The following ITCH variants were observed in gnomAD, a reference collection of about 807,000 sequenced individuals.
ITCH encodes the protein itchy E3 ubiquitin protein ligase.
ITCH carries 28 observed loss-of-function variants against 126.8 expected under a neutral mutation model. The observed-to-expected ratio is 0.22, with a 90% CI of 0.16 to 0.30. The LOEUF is 0.30. Among genes scored for constraint, ITCH ranks in the 10% least tolerant of loss-of-function variants. The pLI is 1.00. For synonymous variants in ITCH, 342 were observed against 340.0 expected (o/e 1.01, Z -0.06); for missense variants, 631 against 1,032.4 (o/e 0.61, Z 5.33).
chr20:34,383,799 G>A (rs1352727900), intron 2 of ITCH, among the ~76,000 whole-genome samples: 1 of 150,204 alleles, frequency 6.7e-6, no homozygotes, highest in Non-Finnish European at 1.5e-5. Flanking sequence ...AAAGTACCAG[G>A]ATTACAGGCA....
Position 34,427,028 on chromosome 20 carries a change from C to G in ITCH, c.521+2503C>G, listed in dbSNP as rs560051008. ...TGACTTCGTGATCTGCCTGCCTCAG[C>G]CTTCCAAAGTGCTGGGATTACAGGC... is the stretch of plus-strand genomic sequence containing the variant. On this transcript the variant is annotated intron_variant, in intron 7 of 24. Coordinates refer to ENST00000374864, the MANE Select transcript of ITCH (RefSeq NM_031483.7). Among the ~76,000 whole-genome samples, 4 of 152,126 alleles carry G rather than the reference C, an allele frequency of 2.6e-5. No individual in the cohort carries two copies. In the South Asian group the frequency reaches 8.3e-4, roughly 31 times the overall value.
intron 7 of ITCH, among the ~76,000 whole-genome samples, chr20:34,427,050 A>T (rs530401894): frequency 4.9e-4 from 74 of 152,326 alleles, no homozygotes; most frequent in Middle Eastern, 6.8e-3. Context: ...CTGGGATTAC[A>T]GGCATGAGCC....
intron 19 of ITCH, 65 bp downstream of exon 19, chr20:34,480,797 A>G (rs1988680264): frequency 1.6e-6 from 2 of 1,258,816 alleles, no homozygotes; most frequent in South Asian, 2.6e-5. Context: ...AGTATTGATA[A>G]CTTATCCAAA....
chr20:34,442,404 C>T, intron 10 of ITCH, 101 bp downstream of exon 10: 1 of 854,794 alleles, frequency 1.2e-6, no homozygotes, highest in East Asian at 2.6e-5. Flanking sequence ...TTCTTGTCAG[C>T]CCTTTCTCTG....
rs752824231 is a variant in ITCH, at chr20:34,471,550, G to A, written c.1569+35G>A. The A allele has an allele frequency of 4.5e-6, 6 of 1,346,232 alleles. No homozygotes were observed. The South Asian group carries it at 7.0e-5, about 16-fold the overall frequency. The allele number at this position is 1,346,232 out of a possible 1,614,324, so 83.4% of individuals were successfully genotyped here. A position where few individuals can be genotyped will look rare whatever the true frequency, so the allele number is the denominator to read the frequency against. ...CATTCTCTCAATAATTTCCCCCCTG[G>A]CTGCTAGCTTAGGACCCGCTTTTGG... On this transcript the variant is annotated intron_variant, in intron 16 of 24. Transcript: ENST00000374864.
intron 11 of ITCH, among the ~76,000 whole-genome samples, chr20:34,448,012 C>T (rs1984676714): frequency 6.6e-6 from 1 of 152,176 alleles, no homozygotes; most frequent in Non-Finnish European, 1.5e-5. Flanking sequence ...AATAAGCAAT[C>T]ATGCATTTAA....
intron 2 of ITCH, among the ~76,000 whole-genome samples, chr20:34,387,302 CAAAA>C (rs879381228): frequency 8.2e-6 from 1 of 121,596 alleles, no homozygotes; most frequent in African/African-American, 3.0e-5. Context: ...ATGTCTGTCT[CAAAA>C]AAAAAAAAAA....
At chr20:34,490,835 TAC>T (rs1479639665) in intron 22 of ITCH, among the ~76,000 whole-genome samples, 1 of 152,178 alleles carries the variant, frequency 6.6e-6, no homozygotes, top group Non-Finnish European at 1.5e-5. Context: ...ATCCTTGGTA[TAC>T]AGCCCAAAAA....
At chr20:34,457,507 TTAAAGATTATACC>T in intron 13 of ITCH, 33 bp downstream of exon 13, 1 of 1,333,524 alleles carries the variant, frequency 7.5e-7, no homozygotes, top group Non-Finnish European at 1.1e-6. Flanking sequence ...ATTTAATCTC[TTAAAGATTATACC>T]TTATTTCTAA....
intron 8 of ITCH, among the ~76,000 whole-genome samples, chr20:34,439,230 C>G (rs1983423733): frequency 6.6e-6 from 1 of 152,124 alleles, no homozygotes; most frequent in African/African-American, 2.4e-5. Flanking sequence ...TAGTTCTCTG[C>G]AAATAATTTT....
chr20:34,377,371 C>G (rs1309537706), intron 2 of ITCH, among the ~76,000 whole-genome samples: 2 of 152,050 alleles, frequency 1.3e-5, no homozygotes, highest in African/African-American at 4.8e-5. Context: ...GAGACCCTGT[C>G]TCAAAAAGAA....
intron 24 of ITCH, among the ~76,000 whole-genome samples, chr20:34,505,559 CT>C (rs35469496): frequency 2.4e-4 from 36 of 147,536 alleles, no homozygotes; most frequent in Non-Finnish European, 3.1e-4. Flanking sequence ...AAATATATAA[CT>C]TTTTTTTTTT....
intron 7 of ITCH, among the ~76,000 whole-genome samples, chr20:34,437,295 G>A (rs1043667088): frequency 5.3e-5 from 8 of 151,876 alleles, no homozygotes; most frequent in Admixed American, 3.3e-4. Flanking sequence ...TTAATACATG[G>A]TACTGCCTCT....
chr20:34,403,668 C>T (rs758944146), intron 3 of ITCH, among the ~76,000 whole-genome samples: 3 of 151,828 alleles, frequency 2.0e-5, no homozygotes, highest in Admixed American at 6.6e-5. Context: ...GAAAAGCTGA[C>T]GGAGCCATAC....
intron 24 of ITCH, among the ~76,000 whole-genome samples, chr20:34,505,262 T>C (rs1197621524): frequency 1.3e-5 from 2 of 152,168 alleles, no homozygotes; most frequent in African/African-American, 2.4e-5. Flanking sequence ...CAGGCCGGTC[T>C]CAAACTCCTG....
intron 6 of ITCH, among the ~76,000 whole-genome samples, chr20:34,421,594 T>TTG (rs1980774744): frequency 1.3e-5 from 2 of 151,514 alleles, no homozygotes; most frequent in African/African-American, 2.4e-5. Flanking sequence ...GTGTTAGATT[T>TTG]TTGTTGTTGT....
At chr20:34,504,307 GT>G (rs1464747866) in intron 23 of ITCH, 23 bp from the exon 24 acceptor site, 1 of 1,584,214 alleles carries the variant, frequency 6.3e-7, no homozygotes, top group Admixed American at 1.7e-5. Flanking sequence ...CTAACAAACT[GT>G]TTATGATTTC....
intron 12 of ITCH, among the ~76,000 whole-genome samples, chr20:34,453,063 C>T (rs1193962766): frequency 6.6e-6 from 1 of 152,104 alleles, no homozygotes; most frequent in Non-Finnish European, 1.5e-5. Flanking sequence ...TTCTAATCTG[C>T]ATTTGGATTT....
At chr20:34,383,667 T>G (rs946460814) in intron 2 of ITCH, among the ~76,000 whole-genome samples, 2 of 151,082 alleles carry the variant, frequency 1.3e-5, no homozygotes, top group Admixed American at 1.3e-4. Flanking sequence ...TCACTGTGCC[T>G]GGCTGATATA....
Sources: gnomAD v4.1 joint callset for allele counts (sites outside exome capture counted in the v4.1 genomes callset) on GRCh38, gnomAD v4.1.1 for gene constraint, MANE v1.5 for transcripts, NCBI Gene and HGNC (gene_info 2026-07-23, HGNC 2026-07-21) for gene names.